The following STK32B variants were observed in gnomAD, a reference collection of about 807,000 sequenced individuals.
The protein encoded by STK32B is serine/threonine-protein kinase 32B.
In STK32B, 43 loss-of-function variants were observed where a neutral mutation model predicts 52.6. The ratio of observed to expected loss-of-function variants is 0.82; its 90% CI spans 0.64 to 1.05. The LOEUF (loss-of-function observed/expected upper bound fraction) is 1.05. STK32B is among the 50% of genes least tolerant of loss of function. The pLI is 0.00. For missense variants in STK32B, 621 were observed against 534.6 expected (o/e 1.16, Z -1.59); for synonymous variants, 238 against 204.3 (o/e 1.17, Z -1.41).
At chr4:5,413,665 G>T (rs1412381350) in intron 5 of STK32B, among the ~76,000 whole-genome samples, 1 of 152,162 alleles carries the variant, frequency 6.6e-6, no homozygotes, top group East Asian at 1.9e-4. Flanking sequence ...CAAACAATAG[G>T]CTAGGAGAAA....
chr4:5,261,272 C>T (rs1726696024), intron 3 of STK32B, among the ~76,000 whole-genome samples: 1 of 152,098 alleles, frequency 6.6e-6, no homozygotes, highest in South Asian at 2.1e-4. Flanking sequence ...CGACAGCCAT[C>T]AAAATTCTAT....
At chr4:5,385,105 A>G (rs548656582) in intron 4 of STK32B, among the ~76,000 whole-genome samples, 2 of 152,246 alleles carry the variant, frequency 1.3e-5, no homozygotes, top group African/African-American at 4.8e-5. Flanking sequence ...TGATGGCCCC[A>G]GCTCTAAAGA....
chr4:5,371,628 C>T (rs1735251321), intron 4 of STK32B, among the ~76,000 whole-genome samples: 1 of 152,134 alleles, frequency 6.6e-6, no homozygotes, highest in Non-Finnish European at 1.5e-5. Context: ...CCTGGCTGTG[C>T]TCTGCGTGCC....
intron 3 of STK32B, among the ~76,000 whole-genome samples, chr4:5,284,173 GAAT>G (rs1446211303): frequency 6.6e-6 from 1 of 152,042 alleles, no homozygotes; most frequent in Non-Finnish European, 1.5e-5. Context: ...GTTGTTATAA[GAAT>G]AAAATATTTT....
At chr4:5,121,209 A>G (rs1715007278) in intron 1 of STK32B, among the ~76,000 whole-genome samples, 1 of 152,208 alleles carries the variant, frequency 6.6e-6, no homozygotes, top group Non-Finnish European at 1.5e-5. Flanking sequence ...TACTTCAAAT[A>G]ATGGCCTCCA....
intron 2 of STK32B, among the ~76,000 whole-genome samples, chr4:5,146,001 A>G (rs1716880187): frequency 6.7e-6 from 1 of 150,164 alleles, no homozygotes; most frequent in Non-Finnish European, 1.5e-5. Context: ...ATTTAGTTCT[A>G]TACTTCATTT....
intron 2 of STK32B, among the ~76,000 whole-genome samples, chr4:5,150,210 T>A (rs1717234277): frequency 6.6e-6 from 1 of 152,112 alleles, no homozygotes; most frequent in Admixed American, 6.5e-5. Flanking sequence ...AACTCTTGAC[T>A]TAAAAAAATA....
chr4:5,425,796 C>T (rs961343523), intron 6 of STK32B, among the ~76,000 whole-genome samples: 1 of 152,146 alleles, frequency 6.6e-6, no homozygotes, highest in Non-Finnish European at 1.5e-5. Context: ...GTTCCTCATT[C>T]CCAGTCCCTG....
chr4:5,349,494 C>A (rs1021193826), intron 4 of STK32B, among the ~76,000 whole-genome samples: 23 of 151,914 alleles, frequency 1.5e-4, no homozygotes, highest in African/African-American at 5.6e-4. Context: ...AAGTCTTCCC[C>A]TATGAAAGCA....
chr4:5,463,516 T>TC (rs1327438447), intron 9 of STK32B, among the ~76,000 whole-genome samples: 2 of 151,242 alleles, frequency 1.3e-5, no homozygotes, highest in Admixed American at 6.6e-5. Context: ...GCACACTCAT[T>TC]CCCCCACACA....
intron 1 of STK32B, among the ~76,000 whole-genome samples, chr4:5,099,447 T>TGCGCGCGC (rs1553823495): frequency 0.039 from 3,165 of 80,620 alleles, 37 homozygotes; most frequent in African/African-American, 0.1. Flanking sequence ...TGTGTGTGTG[T>TGCGCGCGC]GTGCGCGCGC....
At chr4:5,169,911 C>G in intron 3 of STK32B, among the ~76,000 whole-genome samples, 1 of 151,954 alleles carries the variant, frequency 6.6e-6, no homozygotes. Context: ...TTTTTCATAT[C>G]AATGACATAT....
intron 11 of STK32B, among the ~76,000 whole-genome samples, chr4:5,477,654 C>A (rs1718345604): frequency 6.6e-6 from 1 of 152,200 alleles, no homozygotes; most frequent in East Asian, 1.9e-4. Flanking sequence ...GCTTCTCACT[C>A]CACTCCATAT....
At chr4:5,128,082 G>A (rs571129872) in intron 1 of STK32B, among the ~76,000 whole-genome samples, 1 of 152,258 alleles carries the variant, frequency 6.6e-6, no homozygotes, top group African/African-American at 2.4e-5. Context: ...TTTATTAGCA[G>A]CGTGAAAACA....
intron 1 of STK32B, among the ~76,000 whole-genome samples, chr4:5,137,320 G>A (rs1301382158): frequency 6.6e-6 from 1 of 152,214 alleles, no homozygotes; most frequent in African/African-American, 2.4e-5. Context: ...CTGGCAAGAA[G>A]GAGCAGAAGA....
At chr4:5,445,370 G>A (rs1019495729) in intron 6 of STK32B, among the ~76,000 whole-genome samples, 7 of 152,136 alleles carry the variant, frequency 4.6e-5, no homozygotes, top group Non-Finnish European at 7.3e-5. Context: ...TGGCTCCCCG[G>A]GGCAGATTTC....
chr4:5,345,583 G>T (rs1185815354), intron 4 of STK32B: 2 of 152,220 alleles, frequency 1.3e-5, no homozygotes, highest in African/African-American at 4.8e-5. Context: ...TTCTGCAGGT[G>T]TTGGGTTCAC....
At chr4:5,209,778 A>T (rs1441643444) in intron 3 of STK32B, among the ~76,000 whole-genome samples, 1 of 152,208 alleles carries the variant, frequency 6.6e-6, no homozygotes, top group African/African-American at 2.4e-5. Context: ...GGAAGCGTTT[A>T]TAATACCACC....
intron 1 of STK32B, among the ~76,000 whole-genome samples, chr4:5,104,946 C>T (rs1183545520): frequency 6.6e-6 from 1 of 152,170 alleles, no homozygotes; most frequent in Non-Finnish European, 1.5e-5. Flanking sequence ...TAGAATAGCA[C>T]TCATTGTTTG....
Sources: allele counts gnomAD v4.1 joint callset (sites outside exome capture counted in the v4.1 genomes callset), GRCh38; gene constraint gnomAD v4.1.1; transcripts MANE v1.5; gene names NCBI Gene and HGNC (gene_info 2026-07-23, HGNC 2026-07-21).